Variants in RDX observed in about 807,000 individuals in gnomAD.
RDX encodes radixin.
RDX carries 32 observed loss-of-function variants against 83.7 expected under a neutral mutation model. The ratio of observed to expected loss-of-function variants is 0.38; its 90% CI spans 0.29 to 0.51. The LOEUF (loss-of-function observed/expected upper bound fraction) is 0.51, where lower values mean the gene tolerates loss of function less well. Among genes scored for constraint, RDX ranks in the 20% least tolerant of loss-of-function variants. The pLI, the probability that RDX is intolerant of heterozygous loss-of-function variation, is 0.87. For missense variants in RDX, 600 were observed against 689.9 expected (o/e 0.87, Z 1.46); for synonymous variants, 229 against 222.7 (o/e 1.03, Z -0.25).
At chr11:110,204,753 G>C (rs1393707270) in intron 14 of RDX, among the ~76,000 whole-genome samples, 2 of 152,110 alleles carry the variant, frequency 1.3e-5, no homozygotes, top group Non-Finnish European at 2.9e-5. Flanking sequence ...CTGACCTCGT[G>C]ATCTGCCTGC....
intron 15 of RDX, among the ~76,000 whole-genome samples, chr11:110,183,250 C>G (rs1862923278): frequency 6.6e-6 from 1 of 152,174 alleles, no homozygotes; most frequent in African/African-American, 2.4e-5. Flanking sequence ...AGTGCCCAGT[C>G]TACGTGGAGG....
chr11:110,246,018 C>T (rs1216136566), intron 10 of RDX, among the ~76,000 whole-genome samples: 2 of 152,140 alleles, frequency 1.3e-5, no homozygotes. Flanking sequence ...ACCTCTCAGC[C>T]TCCTGAGTAG....
At chr11:110,249,773 C>G (rs1859253111) in intron 9 of RDX, among the ~76,000 whole-genome samples, 1 of 152,152 alleles carries the variant, frequency 6.6e-6, no homozygotes, top group African/African-American at 2.4e-5. Context: ...ACTCAGGAGG[C>G]TAAGGTGCGA....
At chr11:110,257,383 T>C (rs1167434629) in intron 7 of RDX, among the ~76,000 whole-genome samples, 1 of 152,078 alleles carries the variant, frequency 6.6e-6, no homozygotes, top group Non-Finnish European at 1.5e-5. Context: ...CATTCTCTCA[T>C]TGCTCCTGAT....
intron 14 of RDX, among the ~76,000 whole-genome samples, chr11:110,220,878 T>TAAA (rs386374875): frequency 0.021 from 2,239 of 109,170 alleles, 34 homozygotes; most frequent in Non-Finnish European, 0.028. Context: ...ACAGCCTCTG[T>TAAA]AAAAAAAAAA....
intron 15 of RDX, among the ~76,000 whole-genome samples, chr11:110,187,602 T>C (rs1863012567): frequency 6.6e-6 from 1 of 152,134 alleles, no homozygotes; most frequent in African/African-American, 2.4e-5. Context: ...AGCTGAGAAG[T>C]TCCCCAGCTC....
At chr11:110,215,720 G>C (rs1864028032) in intron 14 of RDX, among the ~76,000 whole-genome samples, 1 of 152,234 alleles carries the variant, frequency 6.6e-6, no homozygotes, top group Non-Finnish European at 1.5e-5. Context: ...ACATGTCTCA[G>C]TTGGCTTTAA....
rs147831840 is a variant in RDX at position 110,187,318 on chromosome 11, C to A, written c.*32-12084G>T. Among the ~76,000 whole-genome samples the A allele has an allele frequency of 4.5e-4, 68 of 152,296 alleles. No individual in the cohort carries two copies. In the East Asian group the frequency reaches 0.011, roughly 24 times the overall value. On this transcript the variant is annotated intron_variant, in intron 15 of 15. Transcript: ENST00000528498. Reference sequence around the variant, plus strand: ...CCTCCAGGCATTTGGAGCACCTGCTCCCATGGATTAGCAGCCTGGATCACC... The same window carrying A: ...CCTCCAGGCATTTGGAGCACCTGCTACCATGGATTAGCAGCCTGGATCACC...
intron 7 of RDX, among the ~76,000 whole-genome samples, chr11:110,256,494 C>G (rs1269661295): frequency 6.6e-6 from 1 of 152,186 alleles, no homozygotes; most frequent in Non-Finnish European, 1.5e-5. Flanking sequence ...TCATAACACT[C>G]TTGTGAGGTA....
At chr11:110,198,588 T>C (rs970116898) in intron 15 of RDX, among the ~76,000 whole-genome samples, 1 of 152,182 alleles carries the variant, frequency 6.6e-6, no homozygotes, top group African/African-American at 2.4e-5. Flanking sequence ...CTATTGTGAA[T>C]TGTGCATGCG....
At chr11:110,190,842 G>T (rs1863088537) in intron 15 of RDX, among the ~76,000 whole-genome samples, 1 of 152,134 alleles carries the variant, frequency 6.6e-6, no homozygotes, top group African/African-American at 2.4e-5. Flanking sequence ...AAAATCAAGA[G>T]GAGATGGATA....
chr11:110,255,468 A>T (rs1591156376), intron 7 of RDX, 83 bp from the exon 8 acceptor site: 2 of 765,602 alleles, frequency 2.6e-6, no homozygotes, highest in East Asian at 5.1e-5. Context: ...TGACTGAATG[A>T]CCAATCTTAA....
intron 1 of RDX, among the ~76,000 whole-genome samples, chr11:110,284,610 T>TC (rs1277066702): frequency 1.8e-4 from 28 of 151,918 alleles, no homozygotes; most frequent in African/African-American, 6.8e-4. Flanking sequence ...AAGCTCTGCC[T>TC]CCCGGATTTA....
intron 15 of RDX, chr11:110,180,005 G>A (rs1303056612): frequency 3.0e-5 from 10 of 335,102 alleles, no homozygotes; most frequent in South Asian, 1.3e-4. Flanking sequence ...AGGTTCAAGC[G>A]ATTCTCCTGC....
intron 1 of RDX, chr11:110,287,352 A>G (rs1861025244): frequency 1.3e-5 from 2 of 152,382 alleles, no homozygotes; most frequent in Middle Eastern, 3.4e-3. Flanking sequence ...TATAAAAAAT[A>G]AAAATTAAAT....
chr11:110,279,457 G>C lies in RDX; in HGVS notation c.12+224C>G, dbSNP rs564491508. ...AGGAGAATCACTTGAACCCAGAAAG[G>C]AGAGGTTGCAGTGAGCCGACATGGT... On this transcript the variant is annotated intron_variant, in intron 2 of 13. Transcript: ENST00000645495. Among the ~76,000 whole-genome samples, 8 of 152,276 alleles carry C rather than the reference G, an allele frequency of 5.3e-5. No homozygotes were observed. The East Asian group carries it at 5.8e-4, about 11-fold the overall frequency.
intron 15 of RDX, among the ~76,000 whole-genome samples, chr11:110,178,253 C>T (rs1862816156): frequency 1.3e-5 from 2 of 152,240 alleles, no homozygotes; most frequent in Non-Finnish European, 2.9e-5. Context: ...GGGGCCCTCT[C>T]TTCTAGTGCA....
intron 14 of RDX, among the ~76,000 whole-genome samples, chr11:110,210,186 A>G (rs1312615691): frequency 7.7e-6 from 1 of 129,690 alleles, no homozygotes; most frequent in African/African-American, 3.0e-5. Flanking sequence ...AACTACGTGA[A>G]GAATGCAGAA....
intron 7 of RDX, among the ~76,000 whole-genome samples, chr11:110,257,339 T>A: frequency 6.6e-6 from 1 of 152,156 alleles, no homozygotes; most frequent in Non-Finnish European, 1.5e-5. Context: ...TTCAAAAAAA[T>A]CCTCTAAGAT....
Sources: gnomAD v4.1 joint callset for allele counts (sites outside exome capture counted in the v4.1 genomes callset) on GRCh38, gnomAD v4.1.1 for gene constraint, MANE v1.5 for transcripts, NCBI Gene and HGNC (gene_info 2026-07-23, HGNC 2026-07-21) for gene names.